The following ACTN1 variants were observed in gnomAD, a reference collection of about 807,000 sequenced individuals.
ACTN1 encodes actinin alpha 1, also known as alpha-actinin-1.
ACTN1 carries 30 observed loss-of-function variants against 119.6 expected under a neutral mutation model. That is an observed-to-expected ratio of 0.25 (90% CI 0.19 to 0.34). The LOEUF is 0.34. ACTN1 is among the 10% of genes least tolerant of loss of function. The pLI, the probability that ACTN1 is intolerant of heterozygous loss-of-function variation, is 1.00. For synonymous variants in ACTN1, 429 were observed against 472.6 expected, an observed-to-expected ratio of 0.91 and a Z score of 1.20; for missense variants, 764 against 1,223.4, an observed-to-expected ratio of 0.62 and a Z score of 5.60.
rs184303385 is a variant in ACTN1, at chr14:68,977,899, G to C, written c.105+1053C>G. The C allele has an allele frequency of 9.2e-4, 418 of 454,956 alleles. 1 individual carries two copies. The highest frequency in any genetic ancestry group is 7.2e-3 in the African/African-American group (363 of 50,136). The allele number at this position is 454,956 out of a possible 1,614,324, so 28.2% of individuals were successfully genotyped here. On this transcript the variant is annotated intron_variant, in intron 1 of 21. Coordinates refer to ENST00000394419, the MANE Select transcript of ACTN1 (RefSeq NM_001130004.2). ...TGGAAGTGGGCAGCCGGGAGGAGGG[G>C]GAGGGAAAGGGGTATTCAGGGTACG...
intron 1 of ACTN1, among the ~76,000 whole-genome samples, chr14:68,927,519 T>C (rs955068340): frequency 2.6e-5 from 4 of 151,996 alleles, no homozygotes; most frequent in Non-Finnish European, 5.9e-5. Context: ...AAGGAACAAG[T>C]GGGGAACTGG....
chr14:68,894,931 T>C (rs2032764297), intron 8 of ACTN1, among the ~76,000 whole-genome samples: 1 of 151,712 alleles, frequency 6.6e-6, no homozygotes, highest in African/African-American at 2.4e-5. Flanking sequence ...AAGGAATGAC[T>C]AAGATGGAAG....
intron 2 of ACTN1, 89 bp from the exon 3 acceptor site, chr14:68,921,214 A>C (rs2034627076): frequency 2.0e-6 from 3 of 1,524,098 alleles, no homozygotes; most frequent in Admixed American, 1.9e-5. Flanking sequence ...TCCAAAGCAC[A>C]GCTTAGCTAG....
intron 1 of ACTN1, among the ~76,000 whole-genome samples, chr14:68,948,273 T>C (rs1451756525): frequency 6.6e-6 from 1 of 152,196 alleles, no homozygotes; most frequent in Non-Finnish European, 1.5e-5. Context: ...ACAACAAGCT[T>C]ATTAAGAAGT....
Position 68,907,860 on chromosome 14 carries a change from A to T in ACTN1, c.594+1458T>A, listed in dbSNP as rs190679057. ...GACACCCCAGCATACCCAAGCAGGG[A>T]CAGAGATAGGTGCACACCTGTCACC... is the stretch of plus-strand genomic sequence containing the variant. On this transcript the variant is annotated intron_variant, in intron 6 of 21. Coordinates refer to ENST00000394419, the MANE Select transcript of ACTN1 (RefSeq NM_001130004.2). Among the ~76,000 whole-genome samples the T allele has an allele frequency of 2.0e-3, 303 of 152,256 alleles. 1 individual carries two copies. The highest frequency in any genetic ancestry group is 2.6e-3 in the Non-Finnish European group (179 of 68,016).
chr14:68,936,636 C>T (rs2035530728), intron 1 of ACTN1: 2 of 609,718 alleles, frequency 3.3e-6, no homozygotes, highest in Non-Finnish European at 3.1e-6. Flanking sequence ...GAGTTCGTGG[C>T]AGAGCCCATG....
intron 1 of ACTN1, among the ~76,000 whole-genome samples, chr14:68,941,592 T>C (rs1229589600): frequency 1.3e-5 from 2 of 152,180 alleles, no homozygotes; most frequent in African/African-American, 4.8e-5. Context: ...CTTTCTCAAC[T>C]GGTTTGGTAA....
intron 8 of ACTN1, among the ~76,000 whole-genome samples, chr14:68,895,803 A>AT (rs2032832300): frequency 6.6e-6 from 1 of 152,020 alleles, no homozygotes; most frequent in Non-Finnish European, 1.5e-5. Flanking sequence ...CATTTGTGGG[A>AT]TTTTACATGT....
chr14:68,895,140 A>G (rs1418322542), intron 8 of ACTN1, among the ~76,000 whole-genome samples: 2 of 152,052 alleles, frequency 1.3e-5, no homozygotes, highest in Non-Finnish European at 2.9e-5. Flanking sequence ...ATGGGTTGGG[A>G]GAACCAATAA....
rs573194385 is a variant in ACTN1, at chr14:68,901,166, A to G, written c.762+1311T>C. On this transcript the variant is annotated intron_variant, in intron 8 of 21. Coordinates refer to ENST00000394419, the MANE Select transcript of ACTN1 (RefSeq NM_001130004.2). ...AGGGACGGCATAGGAGAGGTGGGAG[A>G]GGGCAGGGGCTCCCATCATGCATTT... Among the ~76,000 whole-genome samples the G allele has an allele frequency of 2.1e-5, 3 of 142,218 alleles. No individual in the cohort carries two copies. In the South Asian group the frequency reaches 6.7e-4, roughly 32 times the overall value. 93.3% of individuals were successfully genotyped at this position (142,218 alleles called of 152,430 possible).
At chr14:68,903,821 C>G (rs1431278918) in intron 7 of ACTN1, among the ~76,000 whole-genome samples, 1 of 149,104 alleles carries the variant, frequency 6.7e-6, no homozygotes, top group East Asian at 2.0e-4. Flanking sequence ...CCCACAGCCC[C>G]TGCTCACCCC....
At chr14:68,939,547 C>A (rs1486312137) in intron 1 of ACTN1, among the ~76,000 whole-genome samples, 1 of 152,180 alleles carries the variant, frequency 6.6e-6, no homozygotes, top group Non-Finnish European at 1.5e-5. Context: ...CAGACGCAGA[C>A]CAAGCACTCA....
chr14:68,972,828 A>G (rs910053070), intron 1 of ACTN1, among the ~76,000 whole-genome samples: 1 of 152,240 alleles, frequency 6.6e-6, no homozygotes, highest in African/African-American at 2.4e-5. Context: ...GCAAAATGGG[A>G]TAACAGGAGG....
chr14:68,915,169 C>T (rs1484117736), intron 3 of ACTN1, among the ~76,000 whole-genome samples: 1 of 152,192 alleles, frequency 6.6e-6, no homozygotes, highest in Non-Finnish European at 1.5e-5. Flanking sequence ...CCACAGCTTC[C>T]CACCTCCCTG....
rs918861416 is a variant in ACTN1 at position 68,978,702 on chromosome 14, C to T, written c.105+250G>A. The T allele has an allele frequency of 5.3e-5, 18 of 339,828 alleles. No homozygotes were observed. The South Asian group carries it at 1.3e-3, about 24-fold the overall frequency. The allele number at this position is 339,828 out of a possible 1,614,324, so 21.1% of individuals were successfully genotyped here. A position where few individuals can be genotyped will look rare whatever the true frequency, so the allele number is the denominator to read the frequency against. ...CCTGGACCACGGACCCCCAAGGAGA[C>T]CTGCCCGCCAGCGGCGCCACCTCCC... On this transcript the variant is annotated intron_variant, in intron 1 of 21. Coordinates refer to ENST00000394419, the MANE Select transcript of ACTN1 (RefSeq NM_001130004.2).
chr14:68,979,031 G>C lies in ACTN1; in HGVS notation c.26C>G (p.Thr9Ser). MDHYDSQQ[T>S]NDYMQPEEDW... The stretch of plus-strand genomic sequence containing the variant: ...CTCTTCTGGCTGCATGTAATCGTTG[G>C]TTTGCTGAGAATCATAATGGTCCAT... Residue 9 changes from threonine (T) to serine (S), a missense_variant, in exon 1 of 22, where the codon ACC (threonine) becomes AGC (serine). By Grantham distance (58) the Thr-to-Ser change is moderately conservative. Transcript: ENST00000394419. 6.2e-7 allele frequency: 1 copy of C among 1,603,296 alleles called. No individual in the cohort carries two copies. The highest frequency in any genetic ancestry group is 8.5e-7 in the Non-Finnish European group (1 of 1,174,348).
At chr14:68,899,418 C>T (rs886836799) in intron 8 of ACTN1, among the ~76,000 whole-genome samples, 1 of 150,618 alleles carries the variant, frequency 6.6e-6, no homozygotes, top group Non-Finnish European at 1.5e-5. Flanking sequence ...CCCTTCCACA[C>T]CACATTCCCC....
chr14:68,957,903 G>A (rs985951150), intron 1 of ACTN1, among the ~76,000 whole-genome samples: 2 of 152,138 alleles, frequency 1.3e-5, no homozygotes, highest in South Asian at 2.1e-4. Flanking sequence ...ATTTATGATC[G>A]CTCGCACTTC....
At chr14:68,896,585 G>T (rs1330021277) in intron 8 of ACTN1, among the ~76,000 whole-genome samples, 1 of 152,146 alleles carries the variant, frequency 6.6e-6, no homozygotes, top group African/African-American at 2.4e-5. Context: ...AGTACATAAA[G>T]AATCTCAAAG....
Sources: gnomAD v4.1 joint callset for allele counts (sites outside exome capture counted in the v4.1 genomes callset) on GRCh38, gnomAD v4.1.1 for gene constraint, MANE v1.5 for transcripts, NCBI Gene and HGNC (gene_info 2026-07-23, HGNC 2026-07-21) for gene names.